The following PSD3 variants were observed in gnomAD, a reference collection of about 807,000 sequenced individuals.
PSD3 encodes the protein PH and SEC7 domain-containing protein 3.
In PSD3, 49 loss-of-function variants were observed where a neutral mutation model predicts 105.5. The ratio of observed to expected loss-of-function variants is 0.46; its 90% CI spans 0.37 to 0.59. The LOEUF is 0.59. Among genes scored for constraint, PSD3 ranks in the 20% least tolerant of loss-of-function variants. The probability of loss-of-function intolerance (pLI) is 0.00; values close to 1 mark genes in which losing one functional copy is unlikely to be tolerated. For synonymous variants in PSD3, 557 were observed against 457.8 expected, an observed-to-expected ratio of 1.22 and a Z score of -2.77; for missense variants, 1,561 against 1,263.8, an observed-to-expected ratio of 1.24 and a Z score of -3.57.
At chr8:18,844,093 A>G (rs761920425) in intron 4 of PSD3, among the ~76,000 whole-genome samples, 29 of 152,104 alleles carry the variant, frequency 1.9e-4, no homozygotes, top group Non-Finnish European at 2.2e-4. Flanking sequence ...ATGGGGTTCC[A>G]AATTTTAACA....
chr8:19,040,588 TCA>T (rs1828089237), intron 1 of PSD3, among the ~76,000 whole-genome samples: 2 of 152,198 alleles, frequency 1.3e-5, no homozygotes, highest in African/African-American at 4.8e-5. Flanking sequence ...TTTTAAAAGA[TCA>T]CTTTCTGCCC....
intron 14 of PSD3, among the ~76,000 whole-genome samples, chr8:18,571,563 A>AT (rs1223867430): frequency 6.6e-6 from 1 of 152,094 alleles, no homozygotes; most frequent in Admixed American, 6.6e-5. Context: ...TTCCTTATTT[A>AT]TATTTGCCAC....
intron 11 of PSD3, among the ~76,000 whole-genome samples, chr8:18,619,154 G>T (rs1469797111): frequency 1.3e-5 from 2 of 151,998 alleles, no homozygotes; most frequent in African/African-American, 4.8e-5. Flanking sequence ...CCAACCAACT[G>T]CATGGACCCC....
Position 18,871,743 on chromosome 8 carries a change from G to A in PSD3, c.1121C>T (p.Thr374Ile), listed in dbSNP as rs200750697. ...CACAGGGGAAAATGTCCCCGAGCTA[G>A]TGCCAGGCCTCTCTGAAGGAGCTTT... ...SWKAPSERPGTSSGTFSPVRL... is the reference protein window; with the variant it reads ...SWKAPSERPGISSGTFSPVRL... The change falls in exon 3 of 16, where the codon ACT becomes ATT. Residue 374 changes from threonine (T) to isoleucine (I), a missense_variant. Coordinates refer to ENST00000327040, the MANE Select transcript of PSD3 (RefSeq NM_015310.4). The A allele has an allele frequency of 6.6e-5, 106 of 1,614,066 alleles. No homozygotes were observed. The highest frequency in any genetic ancestry group is 4.9e-4 in the Middle Eastern group (3 of 6,084).
At chr8:18,724,989 T>G (rs943676211) in intron 9 of PSD3, among the ~76,000 whole-genome samples, 1 of 152,200 alleles carries the variant, frequency 6.6e-6, no homozygotes, top group Admixed American at 6.5e-5. Context: ...TAAAAGGATT[T>G]TAAAAGACAA....
At chr8:18,612,484 T>C (rs1402445037) in intron 11 of PSD3, among the ~76,000 whole-genome samples, 1 of 152,132 alleles carries the variant, frequency 6.6e-6, no homozygotes, top group Non-Finnish European at 1.5e-5. Flanking sequence ...GCCATTCCCC[T>C]GCCTCAGCTT....
chr8:18,820,500 T>C (rs946980963), intron 4 of PSD3, among the ~76,000 whole-genome samples: 1 of 152,190 alleles, frequency 6.6e-6, no homozygotes, highest in Admixed American at 6.5e-5. Context: ...ATAACCTATA[T>C]ACACTCTGCT....
rs545987604 is a variant in PSD3 at position 18,778,827 on chromosome 8, T to C, written c.2083-13289A>G. On this transcript the variant is annotated intron_variant, in intron 8 of 15. Transcript: ENST00000327040. ...AAACCCACTTGATCATCGTGAATGA[T>C]CTTTTTATTGATTTGTTAGATTTGG... Among the ~76,000 whole-genome samples, 15 of 152,232 alleles carry C rather than the reference T, an allele frequency of 9.9e-5. No homozygotes were observed. In the South Asian group the frequency reaches 2.7e-3, roughly 27 times the overall value.
chr8:18,786,321 C>T (rs1166608515), intron 8 of PSD3, among the ~76,000 whole-genome samples: 4 of 152,108 alleles, frequency 2.6e-5, no homozygotes, highest in African/African-American at 9.7e-5. Context: ...TTTTTCAGGA[C>T]ACCATTAATT....
At position 18,871,871 on chromosome 8, in the gene PSD3, A is replaced by T. The variant is rs747091185; in HGVS notation, c.993T>A (p.Ser331=). Residue 331 remains serine, a synonymous_variant, in exon 3 of 16, where the codon TCT becomes TCA. Transcript: ENST00000327040. Reference sequence around the variant, plus strand: ...CTTTGGAAGACTCTTTGCTGTCAGGAGAGGCTGTTCTTTGCAGTGATGTCT... The same window carrying T: ...CTTTGGAAGACTCTTTGCTGTCAGGTGAGGCTGTTCTTTGCAGTGATGTCT... The part of the protein sequence containing the change: ...DFETSLQRTA[S]PDSKESSKVP... 4.3e-6 allele frequency: 7 copies of T among 1,614,074 alleles called. No homozygotes were observed. The African/African-American group carries it at 9.3e-5, about 22-fold the overall frequency.
At chr8:18,579,199 A>G (rs2245373) in intron 12 of PSD3, among the ~76,000 whole-genome samples, 72,269 of 151,512 alleles carry the variant, frequency 0.48, 17,464 homozygotes, top group South Asian at 0.6. Flanking sequence ...AAATGACTTT[A>G]TCCTACTAAG....
At chr8:19,078,287 G>T (rs2129478236) in intron 1 of PSD3, among the ~76,000 whole-genome samples, 1 of 152,116 alleles carries the variant, frequency 6.6e-6, no homozygotes, top group East Asian at 1.9e-4. Context: ...ATCACATCAG[G>T]TAATGATTTG....
At chr8:18,859,142 A>G (rs1454832823) in intron 4 of PSD3, among the ~76,000 whole-genome samples, 1 of 151,806 alleles carries the variant, frequency 6.6e-6, no homozygotes, top group Admixed American at 6.6e-5. Flanking sequence ...GAACTACATC[A>G]GTCTTCTTGT....
chr8:19,013,655 G>A lies in PSD3; in HGVS notation c.-72C>T. 1 of 1,224,294 alleles carries A rather than the reference G, an allele frequency of 8.2e-7. No homozygotes were observed. Among genetic ancestry groups the A allele is most frequent in the Non-Finnish European group, 1.0e-6 (1 of 981,980 alleles). The allele number at this position is 1,224,294 out of a possible 1,614,324, so 75.8% of individuals were successfully genotyped here. A position where few individuals can be genotyped will look rare whatever the true frequency, so the allele number is the denominator to read the frequency against. On this transcript the variant is annotated 5_prime_UTR_variant, in exon 1 of 16. Coordinates refer to ENST00000327040, the MANE Select transcript of PSD3 (RefSeq NM_015310.4). ...CCGGGGCCGCAGCCTCAGGGCGCGAGTGCCGGCGGCCAGCGCCGCGTGCTC... is the reference window on the plus strand; with the variant it reads ...CCGGGGCCGCAGCCTCAGGGCGCGAATGCCGGCGGCCAGCGCCGCGTGCTC...
intron 10 of PSD3, among the ~76,000 whole-genome samples, chr8:18,646,319 G>C (rs1003027328): frequency 4.6e-5 from 7 of 151,982 alleles, no homozygotes; most frequent in African/African-American, 1.7e-4. Flanking sequence ...ACACTACTCT[G>C]ATTAACAATT....
intron 10 of PSD3, among the ~76,000 whole-genome samples, chr8:18,652,959 C>T (rs1341109341): frequency 2.0e-5 from 3 of 152,100 alleles, no homozygotes; most frequent in South Asian, 4.2e-4. Flanking sequence ...CCATTTATTT[C>T]CTACAGAAAT....
intron 6 of PSD3, among the ~76,000 whole-genome samples, chr8:18,803,863 G>A (rs1356706469): frequency 2.0e-5 from 3 of 151,978 alleles, no homozygotes; most frequent in East Asian, 1.9e-4. Flanking sequence ...CGGTGGTGAC[G>A]GCTGGACAAC....
intron 11 of PSD3, among the ~76,000 whole-genome samples, chr8:18,617,801 G>A (rs1423482394): frequency 1.3e-5 from 2 of 152,160 alleles, no homozygotes; most frequent in African/African-American, 4.8e-5. Context: ...GTAGCACTAA[G>A]ATACCAATTT....
intron 11 of PSD3, among the ~76,000 whole-genome samples, chr8:18,617,925 G>C (rs1174980793): frequency 6.6e-6 from 1 of 152,226 alleles, no homozygotes; most frequent in East Asian, 1.9e-4. Flanking sequence ...CTGCAAAGCC[G>C]TCTCTAGTGG....
Sources: gnomAD v4.1 joint callset for allele counts (sites outside exome capture counted in the v4.1 genomes callset) on GRCh38, gnomAD v4.1.1 for gene constraint, MANE v1.5 for transcripts, NCBI Gene and HGNC (gene_info 2026-07-23, HGNC 2026-07-21) for gene names.